The following KDM2A variants were observed in gnomAD, a reference collection of about 807,000 sequenced individuals.
KDM2A encodes lysine demethylase 2A, also known as lysine-specific demethylase 2A.
In KDM2A, 3 loss-of-function variants were observed where a neutral mutation model predicts 137.3. The observed-to-expected ratio is 0.02, with a 90% CI of 0.01 to 0.06. The LOEUF is 0.06. Ranked by LOEUF, KDM2A falls within the 10% of genes least tolerant of loss-of-function variation. KDM2A has a pLI of 1.00. For synonymous variants in KDM2A, 512 were observed against 541.5 expected, an observed-to-expected ratio of 0.95 and a Z score of 0.76; for missense variants, 738 against 1,510.6, an observed-to-expected ratio of 0.49 and a Z score of 8.48.
In KDM2A at chr11:67,207,644, T is replaced by A; in HGVS notation, c.442T>A (p.Phe148Ile). ...ACTCTATAATGTCATCAGCCTCGAGTTTAGCCACACCAGGCTGGAGAATAT... is the reference window on the plus strand; with the variant it reads ...ACTCTATAATGTCATCAGCCTCGAGATTAGCCACACCAGGCTGGAGAATAT... ...EKLYNVISLE[F>I]SHTRLENMVQ... The change falls in exon 6 of 21, where the codon TTT becomes ATT. Residue 148 changes from phenylalanine to isoleucine, a missense_variant. By Grantham distance (21) the Phe-to-Ile change is conservative (BLOSUM62 0). Transcript: ENST00000529006. 1 of 1,613,016 alleles carries A rather than the reference T, an allele frequency of 6.2e-7. No homozygotes were observed. The highest frequency in any genetic ancestry group is 8.5e-7 in the Non-Finnish European group (1 of 1,179,406).
intron 2 of KDM2A, among the ~76,000 whole-genome samples, chr11:67,174,290 GTC>G (rs1467071794): frequency 6.6e-6 from 1 of 152,128 alleles, no homozygotes; most frequent in Non-Finnish European, 1.5e-5. Flanking sequence ...CCTAAAAACA[GTC>G]TCTCTCAGCT....
intron 2 of KDM2A, among the ~76,000 whole-genome samples, chr11:67,153,247 G>T (rs1037069985): frequency 1.3e-5 from 2 of 152,100 alleles, no homozygotes; most frequent in African/African-American, 4.8e-5. Context: ...GGCCTCCCAA[G>T]TGCTGGGATT....
In KDM2A at chr11:67,250,244, G is replaced by A. The variant is rs759002120; in HGVS notation, c.2214G>A (p.Arg738=). 6.2e-7 allele frequency: 1 copy of A among 1,613,856 alleles called. No individual in the cohort carries two copies. Among genetic ancestry groups the A allele is most frequent in the Admixed American group, 1.7e-5 (1 of 60,002 alleles). Residue 738 remains arginine (R), a synonymous_variant, in exon 17 of 21, where the codon CGG becomes CGA. Coordinates refer to ENST00000529006, the MANE Select transcript of KDM2A (RefSeq NM_012308.3). The surrounding 1 kb of genome is among the most constrained non-coding windows in gnomAD (Gnocchi z 7.1). Reference sequence around the variant, plus strand: ...TTTCCCCCCGGGGTATGGTGACTCGGTCATCCCCTGGGGCTGGCCCCAGCG... The same window carrying A: ...TTTCCCCCCGGGGTATGGTGACTCGATCATCCCCTGGGGCTGGCCCCAGCG... ...DPVSPRGMVT[R]SSPGAGPSDH... is the part of the protein sequence containing the mutation.
chr11:67,152,891 G>T (rs1468856157), intron 2 of KDM2A, among the ~76,000 whole-genome samples: 1 of 149,634 alleles, frequency 6.7e-6, no homozygotes, highest in Non-Finnish European at 1.5e-5. Context: ...GAGACTATAG[G>T]ATTACAGTGC....
intron 10 of KDM2A, among the ~76,000 whole-genome samples, chr11:67,220,537 GAATT>G (rs1858313878): frequency 6.6e-6 from 1 of 152,070 alleles, no homozygotes; most frequent in African/African-American, 2.4e-5. Flanking sequence ...TTTCAAGAGA[GAATT>G]AAGCCCAAAA....
chr11:67,187,548 TTTTATTTATTTA>T lies in KDM2A; in HGVS notation c.307+5688_307+5699del, dbSNP rs138753050. On this transcript the variant is annotated intron_variant, in intron 5 of 20. Transcript: ENST00000529006. ...GACATTTATTAATTTATTTAATTGA[TTTTATTTATTTA>T]TTTATTTATTTATTTATTTATTTAT... is the stretch of plus-strand genomic sequence containing the variant. Among the ~76,000 whole-genome samples the T allele has an allele frequency of 1.3e-3, 196 of 147,554 alleles. 1 individual carries two copies. The highest frequency in any genetic ancestry group is 2.7e-3 in the East Asian group (14 of 5,104).
At chr11:67,133,987 C>T (rs547703295) in intron 2 of KDM2A, among the ~76,000 whole-genome samples, 8 of 152,276 alleles carry the variant, frequency 5.3e-5, no homozygotes, top group East Asian at 1.9e-4. Flanking sequence ...CCACCATGCC[C>T]GGCACCAACT....
intron 2 of KDM2A, among the ~76,000 whole-genome samples, chr11:67,128,756 G>A (rs1330305493): frequency 1.3e-5 from 2 of 152,230 alleles, no homozygotes; most frequent in African/African-American, 4.8e-5. Flanking sequence ...TAGAGTATAA[G>A]CTTCTTGAGA....
intron 15 of KDM2A, among the ~76,000 whole-genome samples, chr11:67,247,944 G>A (rs1387127974): frequency 1.3e-5 from 2 of 152,178 alleles, no homozygotes; most frequent in Non-Finnish European, 2.9e-5. Flanking sequence ...CCTATAAGGT[G>A]GGTTTTGTTG....
chr11:67,199,087 G>C (rs1334529766), intron 5 of KDM2A, among the ~76,000 whole-genome samples: 1 of 152,112 alleles, frequency 6.6e-6, no homozygotes, highest in African/African-American at 2.4e-5. Context: ...GCAGATCAGT[G>C]ATCTTTGACA....
intron 2 of KDM2A, among the ~76,000 whole-genome samples, chr11:67,155,849 C>T (rs1565381034): frequency 6.9e-6 from 1 of 144,766 alleles, no homozygotes; most frequent in Non-Finnish European, 1.5e-5. Flanking sequence ...CTCCCGACCT[C>T]AGGTGATCCG....
rs764508258 is a variant in KDM2A, at chr11:67,254,448, G to T, written c.3307+30G>T. 6.3e-7 allele frequency: 1 copy of T among 1,589,468 alleles called. No homozygotes were observed. The highest frequency in any genetic ancestry group is 8.6e-7 in the Non-Finnish European group (1 of 1,158,990). ...GCCGCTACAGTTGTTCATAATCAGC[G>T]GTGCCCCCTGCCTCCAGCCCTCCCT... is the stretch of plus-strand genomic sequence containing the variant. On this transcript the variant is annotated intron_variant, in intron 20 of 20. Transcript: ENST00000529006. The surrounding 1 kb of genome is among the most constrained non-coding windows in gnomAD (Gnocchi z 4.7).
intron 17 of KDM2A, chr11:67,252,338 A>G (rs990466049): frequency 5.4e-5 from 16 of 295,594 alleles, no homozygotes; most frequent in African/African-American, 2.0e-4. Flanking sequence ...AGGCTCCCTT[A>G]TATACACTTC....
chr11:67,155,239 C>G (rs139143097), intron 2 of KDM2A, among the ~76,000 whole-genome samples: 2 of 152,184 alleles, frequency 1.3e-5, no homozygotes, highest in Non-Finnish European at 2.9e-5. Context: ...TGGTCTCGAA[C>G]TCCTGACCTC....
rs761922878 is a variant in KDM2A, at chr11:67,245,500, A to G, written c.1833+42A>G. ...GTAAAGAATTTTGGGGAGGGGTGGCAGTGCCAAAGGAACTGAAATACATAT... is the reference window on the plus strand; with the variant it reads ...GTAAAGAATTTTGGGGAGGGGTGGCGGTGCCAAAGGAACTGAAATACATAT... On this transcript the variant is annotated intron_variant, in intron 14 of 20. Coordinates refer to ENST00000529006, the MANE Select transcript of KDM2A (RefSeq NM_012308.3). This position sits in a 1 kb window ranked among gnomAD's most constrained non-coding sequence, Gnocchi z 4.1. 2.5e-6 allele frequency: 4 copies of G among 1,604,996 alleles called. No homozygotes were observed. The South Asian group carries it at 3.3e-5, about 13-fold the overall frequency.
At position 67,247,315 on chromosome 11, in the gene KDM2A, C is replaced by A. The variant is rs924479421; in HGVS notation, c.1966-966C>A. On this transcript the variant is annotated intron_variant, in intron 15 of 20. Transcript: ENST00000529006. ...GTGTTGGCCAGGCCGGTCTCGAACT[C>A]CTAACCTCAAGTGATTCACCCGCCT... Among the ~76,000 whole-genome samples the A allele has an allele frequency of 1.1e-4, 17 of 149,772 alleles. No individual in the cohort carries two copies. The Admixed American group carries it at 1.1e-3, about 10-fold the overall frequency.
At chr11:67,127,317 T>C (rs1590702693) in intron 2 of KDM2A, among the ~76,000 whole-genome samples, 1 of 151,974 alleles carries the variant, frequency 6.6e-6, no homozygotes, top group African/African-American at 2.4e-5. Context: ...CTCAGGCTGG[T>C]CTGGTTTTTT....
At chr11:67,127,596 T>G (rs1855759214) in intron 2 of KDM2A, among the ~76,000 whole-genome samples, 1 of 152,216 alleles carries the variant, frequency 6.6e-6, no homozygotes, top group Non-Finnish European at 1.5e-5. Flanking sequence ...TACAAGGAAC[T>G]GCGGCCACTG....
At chr11:67,129,736 A>G (rs1379933059) in intron 2 of KDM2A, among the ~76,000 whole-genome samples, 1 of 135,744 alleles carries the variant, frequency 7.4e-6, no homozygotes, top group Non-Finnish European at 1.5e-5. Flanking sequence ...TCCATCTCAA[A>G]AAAAAAAAAA....
Sources: allele counts gnomAD v4.1 joint callset (sites outside exome capture counted in the v4.1 genomes callset), GRCh38; gene constraint gnomAD v4.1.1; non-coding constraint Gnocchi (gnomAD v3.1); transcripts MANE v1.5; gene names NCBI Gene and HGNC (gene_info 2026-07-23, HGNC 2026-07-21).